The following RIC3 variants were observed in gnomAD, a reference collection of about 807,000 sequenced individuals.
RIC3 encodes RIC3 acetylcholine receptor chaperone, also known as protein RIC-3.
Under a neutral mutation model 27.3 loss-of-function variants are expected in RIC3, and 28 were observed. The ratio of observed to expected loss-of-function variants is 1.02; its 90% CI spans 0.76 to 1.41. The LOEUF (loss-of-function observed/expected upper bound fraction) is 1.41, where lower values mean the gene tolerates loss of function less well. Ranked by LOEUF, RIC3 falls within the 40% of genes most tolerant of loss-of-function variation. The pLI, the probability that RIC3 is intolerant of heterozygous loss-of-function variation, is 0.00. For missense variants in RIC3, 501 were observed against 444.7 expected (o/e 1.13, Z -1.14); for synonymous variants, 184 against 160.4 (o/e 1.15, Z -1.11).
downstream of RIC3, chr11:8,105,700 T>TA (rs1178010606): frequency 6.7e-6 from 1 of 148,678 alleles, no homozygotes; most frequent in African/African-American, 2.6e-5. Flanking sequence ...ACTACCTTTA[T>TA]AGCTCTCATC....
chr11:8,131,708 C>G lies in RIC3; in HGVS notation c.522-4901G>C, dbSNP rs11820443. Among the ~76,000 whole-genome samples the G allele has an allele frequency of 6.0e-3, 914 of 151,938 alleles. 12 individuals carry two copies. The highest frequency in any genetic ancestry group is 0.021 in the African/African-American group (866 of 41,418). On this transcript the variant is annotated intron_variant, in intron 4 of 5. Coordinates refer to ENST00000309737, the MANE Select transcript of RIC3 (RefSeq NM_001206671.4). ...CTGAGGTCAGGAGTTCGAGTCAAGCCTGGCCAACATGGTGAAACCTTGTCT... is the reference window on the plus strand; with the variant it reads ...CTGAGGTCAGGAGTTCGAGTCAAGCGTGGCCAACATGGTGAAACCTTGTCT...
At chr11:8,101,552 C>T (rs373443141), downstream of RIC3, 5 of 1,614,230 alleles carry the variant, frequency 3.1e-6, no homozygotes, top group East Asian at 2.2e-5. Context: ...TACAACTACC[C>T]GCTGTGTGCA....
chr11:8,111,945 G>A (rs1446203701), intron 5 of RIC3, among the ~76,000 whole-genome samples: 1 of 152,226 alleles, frequency 6.6e-6, no homozygotes, highest in Non-Finnish European at 1.5e-5. Flanking sequence ...GGCACCAGCG[G>A]CCGTAATCAC....
At chr11:8,158,005 AG>A (rs1269690458) in intron 1 of RIC3, among the ~76,000 whole-genome samples, 2 of 152,198 alleles carry the variant, frequency 1.3e-5, no homozygotes, top group Non-Finnish European at 2.9e-5. Flanking sequence ...CCTTCAGAGT[AG>A]ATCTCTGATG....
intron 1 of RIC3, among the ~76,000 whole-genome samples, chr11:8,161,923 G>A (rs1285234438): frequency 7.1e-6 from 1 of 140,512 alleles, no homozygotes; most frequent in Non-Finnish European, 1.6e-5. Context: ...CTTTCTCCGG[G>A]CAATGGAATG....
downstream of RIC3, chr11:8,104,356 A>AC (rs1944436253): frequency 6.6e-6 from 1 of 152,272 alleles, no homozygotes; most frequent in South Asian, 2.1e-4. Flanking sequence ...GGTGAAGTTC[A>AC]CTTCCCCAAC....
chr11:8,142,406 CAA>C (rs1268385324), intron 1 of RIC3, among the ~76,000 whole-genome samples: 2 of 151,514 alleles, frequency 1.3e-5, no homozygotes, highest in Non-Finnish European at 2.9e-5. Flanking sequence ...CACCTCTACG[CAA>C]AAAAACTAGA....
intron 5 of RIC3, 41 bp from the exon 6 acceptor site, chr11:8,111,178 CCT>C (rs1381863601): frequency 7.4e-7 from 1 of 1,352,618 alleles, no homozygotes; most frequent in Non-Finnish European, 9.8e-7. Flanking sequence ...AAGAATGTCT[CCT>C]CAAAAAAAAA....
chr11:8,156,667 C>T (rs1169350559), intron 1 of RIC3, among the ~76,000 whole-genome samples: 2 of 152,170 alleles, frequency 1.3e-5, no homozygotes, highest in Non-Finnish European at 2.9e-5. Context: ...TGAGCCTATG[C>T]TTATCCTCCA....
chr11:8,146,394 T>C (rs1480654589), intron 1 of RIC3, among the ~76,000 whole-genome samples: 1 of 152,176 alleles, frequency 6.6e-6, no homozygotes, highest in Non-Finnish European at 1.5e-5. Flanking sequence ...AGTAGGTGCA[T>C]ATGAATAGGA....
chr11:8,128,667 C>A (rs985776377), intron 4 of RIC3, among the ~76,000 whole-genome samples: 1 of 151,978 alleles, frequency 6.6e-6, no homozygotes, highest in African/African-American at 2.4e-5. Context: ...TTGATTGATC[C>A]CCATTTCCTC....
chr11:8,133,434 A>C (rs1947976563), intron 4 of RIC3, among the ~76,000 whole-genome samples: 1 of 152,168 alleles, frequency 6.6e-6, no homozygotes, highest in African/African-American at 2.4e-5. Flanking sequence ...TGGATTAAGG[A>C]GTGTCAGAGA....
chr11:8,093,944 G>A, the RIC3 span: 3 of 1,404,336 alleles, frequency 2.1e-6, no homozygotes, highest in East Asian at 2.3e-5. Context: ...GGGACTCGGG[G>A]TGCAGTCAAA....
chr11:8,155,760 A>G (rs960528382), intron 1 of RIC3, among the ~76,000 whole-genome samples: 4 of 152,174 alleles, frequency 2.6e-5, no homozygotes, highest in Non-Finnish European at 5.9e-5. Context: ...AGAACTGGAC[A>G]TGTTTCTATT....
chr11:8,104,184 C>CTACCTGGATGG (rs1441048716), downstream of RIC3: 1 of 152,314 alleles, frequency 6.6e-6, no homozygotes, highest in Non-Finnish European at 1.5e-5. Flanking sequence ...TTCATACCCT[C>CTACCTGGATGG]TACCTGGATG....
chr11:8,163,124 G>C (rs1002513537), intron 1 of RIC3, among the ~76,000 whole-genome samples: 1 of 151,062 alleles, frequency 6.6e-6, no homozygotes, highest in African/African-American at 2.4e-5. Context: ...GGTAAAGCTG[G>C]GTTAACATCT....
chr11:8,165,790 T>G (rs868524600), intron 1 of RIC3, among the ~76,000 whole-genome samples: 5,788 of 148,208 alleles, frequency 0.039, 106 homozygotes, highest in South Asian at 0.081. Flanking sequence ...TTGTTTTGTT[T>G]TTTTTTTTGG....
At chr11:8,148,542 A>C (rs1178323173) in intron 1 of RIC3, among the ~76,000 whole-genome samples, 1 of 152,202 alleles carries the variant, frequency 6.6e-6, no homozygotes, top group Non-Finnish European at 1.5e-5. Context: ...GCATAAAACA[A>C]AAAAATTAAA....
chr11:8,161,185 C>T (rs1951129891), intron 1 of RIC3, among the ~76,000 whole-genome samples: 1 of 152,208 alleles, frequency 6.6e-6, no homozygotes, highest in Non-Finnish European at 1.5e-5. Flanking sequence ...ATACGGTGAA[C>T]ATAGAGTAGC....
Sources: allele counts gnomAD v4.1 joint callset (sites outside exome capture counted in the v4.1 genomes callset), GRCh38; gene constraint gnomAD v4.1.1; transcripts MANE v1.5; gene names NCBI Gene and HGNC (gene_info 2026-07-23, HGNC 2026-07-21).